Variants in AFG1L observed in about 807,000 individuals in gnomAD.
AFG1L encodes AFG1 like ATPase.
In AFG1L, 53 loss-of-function variants were observed where a neutral mutation model predicts 62.2. That is an observed-to-expected ratio of 0.85 (90% CI 0.68 to 1.07). AFG1L has a LOEUF of 1.07. AFG1L is among the 50% of genes least tolerant of loss of function. The pLI, the probability that AFG1L is intolerant of heterozygous loss-of-function variation, is 0.00. For missense variants in AFG1L, 555 were observed against 590.5 expected (o/e 0.94, Z 0.62); for synonymous variants, 228 against 210.3 (o/e 1.08, Z -0.73).
intron 10 of AFG1L, among the ~76,000 whole-genome samples, chr6:108,495,330 G>C (rs184680371): frequency 1.3e-5 from 2 of 152,200 alleles, no homozygotes; most frequent in African/African-American, 4.8e-5. Flanking sequence ...TTATAAGGAG[G>C]AGTCTATACA....
At chr6:108,363,556 A>AT (rs1375092354) in intron 5 of AFG1L, among the ~76,000 whole-genome samples, 4 of 152,098 alleles carry the variant, frequency 2.6e-5, no homozygotes, top group Admixed American at 1.3e-4. Flanking sequence ...GATCTTCATT[A>AT]TGTCCTCTTG....
chr6:108,520,991 C>T (rs1031835398), intron 12 of AFG1L: 22 of 152,376 alleles, frequency 1.4e-4, no homozygotes, highest in African/African-American at 5.1e-4. Context: ...CTCCCAAAAG[C>T]TCCGCCTCCA....
chr6:108,333,885 G>C (rs78969708), intron 2 of AFG1L, among the ~76,000 whole-genome samples: 3,374 of 152,312 alleles, frequency 0.022, 59 homozygotes, highest in Non-Finnish European at 0.035. Context: ...ATTTGATAAA[G>C]CTGGAGGGTG....
intron 10 of AFG1L, among the ~76,000 whole-genome samples, chr6:108,498,101 C>T (rs939073617): frequency 6.6e-6 from 1 of 152,180 alleles, no homozygotes; most frequent in East Asian, 1.9e-4. Flanking sequence ...GTTCTCTCCT[C>T]CTCCAGCAGG....
At chr6:108,357,068 C>T (rs1562105234) in intron 5 of AFG1L, among the ~76,000 whole-genome samples, 1 of 152,014 alleles carries the variant, frequency 6.6e-6, no homozygotes, top group Non-Finnish European at 1.5e-5. Context: ...TACACACACA[C>T]ATGCACGTGC....
At chr6:108,503,948 T>C (rs1157336079) in intron 10 of AFG1L, among the ~76,000 whole-genome samples, 1 of 152,260 alleles carries the variant, frequency 6.6e-6, no homozygotes, top group Non-Finnish European at 1.5e-5. Context: ...GTTTCCGATT[T>C]TTCTTCTGCA....
chr6:108,316,663 G>A (rs1777614329), intron 1 of AFG1L, among the ~76,000 whole-genome samples: 1 of 150,944 alleles, frequency 6.6e-6, no homozygotes, highest in Non-Finnish European at 1.5e-5. Context: ...CCTCCGAGTA[G>A]CTGGGACTAC....
chr6:108,324,275 C>G (rs1362251795), intron 2 of AFG1L, among the ~76,000 whole-genome samples: 1 of 152,146 alleles, frequency 6.6e-6, no homozygotes, highest in African/African-American at 2.4e-5. Context: ...AAATGCAGTC[C>G]AGTCTAAATA....
chr6:108,491,454 C>G (rs1773777111), intron 10 of AFG1L, among the ~76,000 whole-genome samples: 1 of 152,046 alleles, frequency 6.6e-6, no homozygotes, highest in African/African-American at 2.4e-5. Context: ...TATATCCAAG[C>G]TGAAAACATA....
chr6:108,437,256 T>C (rs1471872894), intron 7 of AFG1L, among the ~76,000 whole-genome samples: 4 of 152,332 alleles, frequency 2.6e-5, no homozygotes, highest in African/African-American at 9.6e-5. Flanking sequence ...CAAATTCCCT[T>C]ACCAAGTTTA....
intron 11 of AFG1L, among the ~76,000 whole-genome samples, chr6:108,513,353 C>T (rs971707183): frequency 1.6e-4 from 24 of 152,220 alleles, no homozygotes; most frequent in African/African-American, 5.1e-4. Context: ...TCAGGGAATT[C>T]CCTTTCCTAG....
rs1263946905 is a variant in AFG1L at position 108,478,157 on chromosome 6, GC to G, written c.1062+867del. 2.0e-5 allele frequency among the ~76,000 whole-genome samples: 3 copies of G among 152,348 alleles called. No homozygotes were observed. The East Asian group carries it at 5.8e-4, about 29-fold the overall frequency. ...GTGCTTTTCTTAAAAGCTAGTGACG[GC>G]CGGGTGCGGTGGCTCGCGCCTGTAA... On this transcript the variant is annotated intron_variant, in intron 10 of 12. Transcript: ENST00000368977.
intron 10 of AFG1L, among the ~76,000 whole-genome samples, chr6:108,485,975 A>G (rs1262855896): frequency 1.3e-5 from 2 of 151,912 alleles, no homozygotes; most frequent in African/African-American, 4.8e-5. Flanking sequence ...GCCCATGGTC[A>G]TTAATTTTTT....
chr6:108,377,243 C>T (rs1225061012), intron 6 of AFG1L, among the ~76,000 whole-genome samples: 1 of 152,174 alleles, frequency 6.6e-6, no homozygotes, highest in Non-Finnish European at 1.5e-5. Flanking sequence ...AGACCATTTA[C>T]ATTCAAGGTT....
intron 6 of AFG1L, among the ~76,000 whole-genome samples, chr6:108,401,094 A>C (rs926441694): frequency 2.1e-4 from 31 of 148,662 alleles, no homozygotes; most frequent in Admixed American, 1.2e-3. Flanking sequence ...TCACCCTCTG[A>C]GTAGTTGGGC....
chr6:108,522,494 T>C lies in AFG1L; in HGVS notation c.*69T>C. 1 of 1,498,288 alleles carries C rather than the reference T, an allele frequency of 6.7e-7. No homozygotes were observed. The highest frequency in any genetic ancestry group is 9.1e-7 in the Non-Finnish European group (1 of 1,101,988). The allele number at this position is 1,498,288 out of a possible 1,614,324, so 92.8% of individuals were successfully genotyped here. A position where few individuals can be genotyped will look rare whatever the true frequency, so the allele number is the denominator to read the frequency against. The stretch of plus-strand genomic sequence containing the variant: ...CAGGCAGAACTCCTTATTGTGGGAC[T>C]TGAAGGAATCATTTTCTCATCATTA... On this transcript the variant is annotated 3_prime_UTR_variant, in exon 13 of 13. Transcript: ENST00000368977.
intron 3 of AFG1L, among the ~76,000 whole-genome samples, chr6:108,353,174 A>G (rs1409389372): frequency 3.8e-5 from 5 of 130,334 alleles, no homozygotes; most frequent in African/African-American, 1.2e-4. Context: ...TTTTTTTTGG[A>G]CACAAAGTCT....
chr6:108,473,348 A>G (rs1772979937), intron 8 of AFG1L, among the ~76,000 whole-genome samples: 1 of 152,142 alleles, frequency 6.6e-6, no homozygotes, highest in African/African-American at 2.4e-5. Flanking sequence ...ACCACTGAGG[A>G]AGATTGCAAG....
At chr6:108,467,751 T>C (rs752436742) in intron 8 of AFG1L, among the ~76,000 whole-genome samples, 22 of 152,218 alleles carry the variant, frequency 1.4e-4, no homozygotes, top group Non-Finnish European at 2.9e-4. Flanking sequence ...TATAACCCTA[T>C]GGTAGAGAAA....
Sources: allele counts gnomAD v4.1 joint callset (sites outside exome capture counted in the v4.1 genomes callset), GRCh38; gene constraint gnomAD v4.1.1; transcripts MANE v1.5; gene names NCBI Gene and HGNC (gene_info 2026-07-23, HGNC 2026-07-21).